ACOX3: variants seen among roughly 807,000 people sequenced by gnomAD.
ACOX3 encodes the protein acyl-CoA oxidase 3, pristanoyl.
Under a neutral mutation model 81.5 loss-of-function variants are expected in ACOX3, and 73 were observed. The ratio of observed to expected loss-of-function variants is 0.90; its 90% CI spans 0.74 to 1.09. ACOX3 has a LOEUF of 1.09. Among genes scored for constraint, ACOX3 ranks in the 50% least tolerant of loss-of-function variants. The pLI, the probability that ACOX3 is intolerant of heterozygous loss-of-function variation, is 0.00. For missense variants in ACOX3, 947 were observed against 928.0 expected (o/e 1.02, Z -0.27); for synonymous variants, 387 against 375.1 (o/e 1.03, Z -0.37).
chr4:8,391,399 C>T (rs900761651), intron 11 of ACOX3, among the ~76,000 whole-genome samples: 8 of 152,196 alleles, frequency 5.3e-5, no homozygotes, highest in Non-Finnish European at 1.5e-5. Flanking sequence ...CAAAAACTCT[C>T]ACAAACTTGG....
chr4:8,390,343 A>C (rs1578899915), intron 11 of ACOX3, among the ~76,000 whole-genome samples: 1 of 125,142 alleles, frequency 8.0e-6, no homozygotes, highest in South Asian at 2.3e-4. Context: ...GACTCTGACC[A>C]AAAAAAAAAA....
intron 1 of ACOX3, among the ~76,000 whole-genome samples, chr4:8,421,447 G>A (rs2688229): frequency 0.35 from 52,873 of 152,174 alleles, 9,810 homozygotes; most frequent in South Asian, 0.46. Context: ...GGCATTGGCC[G>A]GTCAAGATCA....
At chr4:8,411,433 G>A (rs1721713427) in intron 5 of ACOX3, among the ~76,000 whole-genome samples, 1 of 152,316 alleles carries the variant, frequency 6.6e-6, no homozygotes, top group East Asian at 1.9e-4. Flanking sequence ...GTAGGAGGTG[G>A]GGTGGCTGCC....
chr4:8,374,001 C>T, intron 15 of ACOX3: 1 of 242,912 alleles, frequency 4.1e-6, no homozygotes, highest in Non-Finnish European at 8.1e-6. Flanking sequence ...AGCAGGGGTG[C>T]ATGGCAGGGG....
At chr4:8,379,261 G>A (rs889451015) in intron 14 of ACOX3, among the ~76,000 whole-genome samples, 5 of 152,332 alleles carry the variant, frequency 3.3e-5, no homozygotes, top group Admixed American at 3.3e-4. Flanking sequence ...TATTGCAGGG[G>A]AAGGGGCTGC....
the ACOX3 span, chr4:8,356,402 C>A: frequency 5.0e-6 from 2 of 399,772 alleles, no homozygotes; most frequent in Non-Finnish European, 1.0e-5. Flanking sequence ...GATGCATGTG[C>A]ACGGATGGCT....
the ACOX3 span, among the ~76,000 whole-genome samples, chr4:8,361,250 A>C: frequency 6.6e-3 from 999 of 151,578 alleles, 12 homozygotes; most frequent in African/African-American, 0.023. Context: ...GGTGAAACCC[A>C]GTCTCTACTA....
Position 8,416,323 on chromosome 4 carries a change from C to G in ACOX3, c.144+55G>C, listed in dbSNP as rs373698932. The G allele has an allele frequency of 1.2e-6, 2 of 1,612,868 alleles. No individual in the cohort carries two copies. The highest frequency in any genetic ancestry group is 1.7e-6 in the Non-Finnish European group (2 of 1,179,852). On this transcript the variant is annotated intron_variant, in intron 2 of 17. Coordinates refer to ENST00000356406, the MANE Select transcript of ACOX3 (RefSeq NM_003501.3). This position sits in a 1 kb window ranked among gnomAD's most constrained non-coding sequence, Gnocchi z 4.2. ...AGAGCCAGAAATCCCATTCTGCTAA[C>G]GAACTAAGACCCCACTGGGAAAAAA...
At chr4:8,409,617 G>A (rs796552225) in intron 6 of ACOX3, among the ~76,000 whole-genome samples, 1 of 116,784 alleles carries the variant, frequency 8.6e-6, no homozygotes, top group Non-Finnish European at 1.9e-5. Context: ...TACTGTGGGT[G>A]GGGCTGTCTG....
rs2108938634 is a variant in ACOX3 at position 8,407,537 on chromosome 4, C to G, written c.688-1494G>C. Among the ~76,000 whole-genome samples the G allele has an allele frequency of 6.6e-6, 1 of 152,340 alleles. No individual in the cohort carries two copies. Among genetic ancestry groups the G allele is most frequent in the East Asian group, 1.9e-4 (1 of 5,170 alleles). ...TCCAGAGTTGGGAGAATACGTTATG[C>G]TGTTTCGAGCGCCCTGCTTTGTGGT... On this transcript the variant is annotated intron_variant, in intron 6 of 17. Coordinates refer to ENST00000356406, the MANE Select transcript of ACOX3 (RefSeq NM_003501.3). This position sits in a 1 kb window ranked among gnomAD's most constrained non-coding sequence, Gnocchi z 4.6.
rs188620979 is a variant in ACOX3 at position 8,417,390 on chromosome 4, C to T, written c.-14-855G>A. Among the ~76,000 whole-genome samples, 34 of 152,282 alleles carry T rather than the reference C, an allele frequency of 2.2e-4. 1 individual carries two copies. The highest frequency in any genetic ancestry group is 1.6e-3 in the Admixed American group (24 of 15,302). On this transcript the variant is annotated intron_variant, in intron 1 of 17. Coordinates refer to ENST00000356406, the MANE Select transcript of ACOX3 (RefSeq NM_003501.3). ...CCCCTCTGTGCAGGGAGGTGGGAGC[C>T]GCAGGTCTGAGCACCTGTTGGTGGG...
At chr4:8,410,089 T>C (rs866794517) in intron 6 of ACOX3, 123 bp downstream of exon 6, 4 of 1,293,598 alleles carry the variant, frequency 3.1e-6, no homozygotes, top group Non-Finnish European at 2.1e-6. Context: ...GCAGTGTCCC[T>C]GGTCCACTCA....
chr4:8,366,978 G>C lies in ACOX3; in HGVS notation c.2086C>G (p.Leu696Val). The C allele has an allele frequency of 6.2e-7, 1 of 1,614,040 alleles. No homozygotes were observed. Among genetic ancestry groups the C allele is most frequent in the Non-Finnish European group, 8.5e-7 (1 of 1,179,944 alleles). The change falls in exon 18 of 18, where the codon CTG becomes GTG. Residue 696 changes from leucine to valine, a missense_variant. Leu to Val is a conservative substitution (Grantham distance 32). Transcript: ENST00000356406. ...FSVNKPVIGS[L>V]KSKL Reference sequence around the variant, plus strand: ...CAGTCCCACTAGAGCTTCGATTTCAGACTTCCTATGACAGGTTTGTTCACA... The same window carrying C: ...CAGTCCCACTAGAGCTTCGATTTCACACTTCCTATGACAGGTTTGTTCACA...
chr4:8,387,665 T>G (rs1487963265), intron 13 of ACOX3, among the ~76,000 whole-genome samples: 4 of 151,776 alleles, frequency 2.6e-5, no homozygotes, highest in Non-Finnish European at 5.9e-5. Flanking sequence ...GGCACGGAGG[T>G]GGGGGCAGCT....
intron 1 of ACOX3, among the ~76,000 whole-genome samples, chr4:8,424,999 AG>A (rs1723320134): frequency 6.6e-6 from 1 of 152,228 alleles, no homozygotes; most frequent in African/African-American, 2.4e-5. Context: ...AGAAGGAAAA[AG>A]GGTAAATATA....
chr4:8,410,162 C>T (rs1164474489), intron 6 of ACOX3, 50 bp downstream of exon 6: 2 of 1,581,782 alleles, frequency 1.3e-6, no homozygotes, highest in South Asian at 2.3e-5. Flanking sequence ...ATTACCAGTG[C>T]TTCCTGGGGG....
the ACOX3 span, chr4:8,358,157 C>A: frequency 1.3e-5 from 2 of 152,194 alleles, no homozygotes; most frequent in African/African-American, 4.8e-5. Flanking sequence ...AAATATATTT[C>A]CTTGACATAT....
chr4:8,402,088 G>A (rs1242272959), intron 7 of ACOX3, among the ~76,000 whole-genome samples: 1 of 152,224 alleles, frequency 6.6e-6, no homozygotes, highest in Non-Finnish European at 1.5e-5. Flanking sequence ...TGGGGCAGAC[G>A]ACATCCTCTG....
chr4:8,384,728 C>T lies in ACOX3; in HGVS notation c.1538-3121G>A, dbSNP rs939813626. On this transcript the variant is annotated intron_variant, in intron 13 of 17. Coordinates refer to ENST00000356406, the MANE Select transcript of ACOX3 (RefSeq NM_003501.3). This position sits in a 1 kb window ranked among gnomAD's most constrained non-coding sequence, Gnocchi z 5.3. ...TCCTCTCCCGTCTCTGGGTCCAGTC[C>T]CCTCTGCGTCAGCATCAGAGCACTC... Among the ~76,000 whole-genome samples, 1 of 152,184 alleles carries T rather than the reference C, an allele frequency of 6.6e-6. No homozygotes were observed. Among genetic ancestry groups the T allele is most frequent in the African/African-American group, 2.4e-5 (1 of 41,440 alleles).
Sources: gnomAD v4.1 joint callset for allele counts (sites outside exome capture counted in the v4.1 genomes callset) on GRCh38, gnomAD v4.1.1 for gene constraint, Gnocchi (gnomAD v3.1) non-coding constraint, MANE v1.5 for transcripts, NCBI Gene and HGNC (gene_info 2026-07-23, HGNC 2026-07-21) for gene names.